ZNF350: variants seen among roughly 807,000 people sequenced by gnomAD.
The protein encoded by ZNF350 is KRAB zinc finger protein ZFQR.
ZNF350 carries 5 observed loss-of-function variants against 13.1 expected under a neutral mutation model. The ratio of observed to expected loss-of-function variants is 0.38; its 90% confidence interval spans 0.20 to 0.80. The LOEUF is 0.80. Among genes scored for constraint, ZNF350 ranks in the 30% least tolerant of loss-of-function variants. The pLI is 0.43. For missense variants in ZNF350, 534 were observed against 644.2 expected (o/e 0.83, Z 1.85); for synonymous variants, 199 against 224.2 (o/e 0.89, Z 1.00).
chr19:51,985,446 T>TA (rs1401785421), intron 1 of ZNF350, among the ~76,000 whole-genome samples: 1 of 152,124 alleles, frequency 6.6e-6, no homozygotes, highest in African/African-American at 2.4e-5. Context: ...ATTACATATT[T>TA]AAAAAAGAAA....
chr19:51,969,047 G>A lies in ZNF350; in HGVS notation c.100C>T (p.Arg34Trp), dbSNP rs138898320. ...LLGAAQKDLY[R>W]DVMLENYSNL... ...CTGTAGTTCTCCAACATCACATCCC[G>A]GTACAGGTCCTTCTGAGCAGCGCCC... The change falls in exon 3 of 5, where the codon CGG (arginine) becomes TGG (tryptophan). Residue 34 changes from arginine (R) to tryptophan (W), a missense_variant. Coordinates refer to ENST00000243644, the MANE Select transcript of ZNF350 (RefSeq NM_021632.4). The A allele has an allele frequency of 4.1e-4, 668 of 1,614,058 alleles. 6 individuals are homozygous for A. The East Asian group carries it at 9.5e-3, about 23-fold the overall frequency.
Position 51,968,634 on chromosome 19 carries a change from T to A in ZNF350, c.182A>T (p.Glu61Val), listed in dbSNP as rs564138238. 6.2e-7 allele frequency: 1 copy of A among 1,614,006 alleles called. No homozygotes were observed. The highest frequency in any genetic ancestry group is 1.7e-5 in the Admixed American group (1 of 59,998). The change falls in exon 4 of 5, where the codon GAA (glutamate) becomes GTA (valine). Residue 61 changes from glutamate to valine, a missense_variant. By Grantham distance (121) the Glu-to-Val change is moderately radical. Transcript: ENST00000243644. ...ASKPDALFKL[E>V]QGEQLWTIED... ...AATTGTCCACAGTTGTTCTCCTTGT[T>A]CCAACTTGAAGAGTGCATCCGGTTT...
In ZNF350 at chr19:51,966,933, C is replaced by T. The variant is rs149817429; in HGVS notation, c.239-719G>A. Among the ~76,000 whole-genome samples, 1,380 of 152,180 alleles carry T rather than the reference C, an allele frequency of 9.1e-3. 17 individuals are homozygous for T. Among genetic ancestry groups the T allele is most frequent in the Non-Finnish European group, 0.016 (1,086 of 68,002 alleles). Reference sequence around the variant, plus strand: ...AAGTTCTGGGATTACAGGTGTGAGCCGCTGCACCCGGCCCCAAAGTATTCT... The same window carrying T: ...AAGTTCTGGGATTACAGGTGTGAGCTGCTGCACCCGGCCCCAAAGTATTCT... On this transcript the variant is annotated intron_variant, in intron 4 of 4. Coordinates refer to ENST00000243644, the MANE Select transcript of ZNF350 (RefSeq NM_021632.4).
In ZNF350 at chr19:51,966,076, T is replaced by A. The variant is rs1483007723; in HGVS notation, c.377A>T (p.His126Leu). The change falls in exon 5 of 5, where the codon CAT becomes CTT. Residue 126 changes from histidine to leucine, a missense_variant. Transcript: ENST00000243644. ...SKSQFLLGQN[H>L]DIFDLRGKSL... is the part of the protein sequence containing the mutation. ...TTTTCCACGTAAGTCAAATATATCATGATTTTGCCCTAACAGAAACTGACT... is the reference window on the plus strand; with the variant it reads ...TTTTCCACGTAAGTCAAATATATCAAGATTTTGCCCTAACAGAAACTGACT... 3 of 1,614,100 alleles carry A rather than the reference T, an allele frequency of 1.9e-6. No individual in the cohort carries two copies. Among genetic ancestry groups the A allele is most frequent in the Non-Finnish European group, 2.5e-6 (3 of 1,180,028 alleles).
Position 51,974,368 on chromosome 19 carries a change from T to G in ZNF350, c.-8A>C, listed in dbSNP as rs1353339670. On this transcript the variant is annotated 5_prime_UTR_variant, in exon 2 of 5. Coordinates refer to ENST00000243644, the MANE Select transcript of ZNF350 (RefSeq NM_021632.4). ...TACCTGGGCCTGGATCATTTTCTTC[T>G]GTTCTTGGAAGACAGCATTCAACTG... 6.2e-7 allele frequency: 1 copy of G among 1,613,790 alleles called. No individual in the cohort carries two copies. Among genetic ancestry groups the G allele is most frequent in the Non-Finnish European group, 8.5e-7 (1 of 1,179,872 alleles).
chr19:51,971,195 G>A (rs894819937), intron 2 of ZNF350, among the ~76,000 whole-genome samples: 2 of 152,178 alleles, frequency 1.3e-5, no homozygotes, highest in African/African-American at 4.8e-5. Context: ...TTATTACAGA[G>A]GCCAGTGAAC....
intron 4 of ZNF350, among the ~76,000 whole-genome samples, chr19:51,966,982 G>A (rs1287801484): frequency 1.3e-5 from 2 of 152,006 alleles, no homozygotes; most frequent in Non-Finnish European, 2.9e-5. Context: ...TTGATGTGAG[G>A]TGTCTCTTAG....
chr19:51,983,036 C>A (rs776105668), intron 1 of ZNF350, among the ~76,000 whole-genome samples: 1 of 152,200 alleles, frequency 6.6e-6, no homozygotes, highest in African/African-American at 2.4e-5. Flanking sequence ...CCATTTTAAT[C>A]TGTACAAAGA....
At chr19:51,968,432 C>A in intron 4 of ZNF350, 146 bp downstream of exon 4, 1 of 693,978 alleles carries the variant, frequency 1.4e-6, no homozygotes, top group Non-Finnish European at 2.5e-6. Flanking sequence ...CTCTAAATTC[C>A]TACAAAGAAA....
At position 51,966,087 on chromosome 19, in the gene ZNF350, T is replaced by C; in HGVS notation, c.366A>G (p.Leu122=). The change falls in exon 5 of 5, where the codon TTA becomes TTG. Residue 122 remains leucine (L), a synonymous_variant. Transcript: ENST00000243644. ...AGTCAAATATATCATGATTTTGCCC[T>C]AACAGAAACTGACTTTTGCTGCAAT... The part of the protein sequence containing the change: ...IVHCSKSQFL[L]GQNHDIFDLR... 1 of 1,614,084 alleles carries C rather than the reference T, an allele frequency of 6.2e-7. No individual in the cohort carries two copies. Among genetic ancestry groups the C allele is most frequent in the African/African-American group, 1.3e-5 (1 of 75,052 alleles).
At chr19:51,981,049 G>A (rs2086021965) in intron 1 of ZNF350, 2 of 152,234 alleles carry the variant, frequency 1.3e-5, no homozygotes, top group African/African-American at 2.4e-5. Context: ...TGTGGGACGT[G>A]ACCAACTCAG....
chr19:51,968,768 T>C lies in ZNF350; in HGVS notation c.143-95A>G. 4 of 1,464,004 alleles carry C rather than the reference T, an allele frequency of 2.7e-6. 1 individual carries two copies. Among genetic ancestry groups the C allele is most frequent in the Non-Finnish European group, 3.8e-6 (4 of 1,065,240 alleles). The allele number at this position is 1,464,004 out of a possible 1,614,324, so 90.7% of individuals were successfully genotyped here. On this transcript the variant is annotated intron_variant, in intron 3 of 4. Transcript: ENST00000243644. ...TTACATTTCAAGAAACTTGAGTTTC[T>C]TAAAATACCCAAAATTTAGTTTCTT...
chr19:51,965,626 C>A lies in ZNF350; in HGVS notation c.827G>T (p.Arg276Leu), dbSNP rs143609000. ...ATGTGTTTTCTGATGTATGTTGAGC[C>A]GTGATTTCTTGAGAAAGGCTTTGCC... is the stretch of plus-strand genomic sequence containing the variant. Reference protein sequence around the residue: ...ECGKAFLKKSRLNIHQKTHTG... With the variant: ...ECGKAFLKKSLLNIHQKTHTG... Residue 276 changes from arginine to leucine, a missense_variant, in exon 5 of 5, where the codon CGG becomes CTG. By Grantham distance (102) the Arg-to-Leu change is moderately radical (BLOSUM62 -2). Coordinates refer to ENST00000243644, the MANE Select transcript of ZNF350 (RefSeq NM_021632.4). 6.2e-7 allele frequency: 1 copy of A among 1,614,074 alleles called. No homozygotes were observed. Among genetic ancestry groups the A allele is most frequent in the Non-Finnish European group, 8.5e-7 (1 of 1,180,016 alleles).
chr19:51,966,206 T>C lies in ZNF350; in HGVS notation c.247A>G (p.Lys83Glu), dbSNP rs188586408. 2.6e-6 allele frequency: 4 copies of C among 1,565,124 alleles called. No homozygotes were observed. The highest frequency in any genetic ancestry group is 2.3e-5 in the East Asian group (1 of 44,306). Residue 83 changes from lysine to glutamate, a missense_variant, in exon 5 of 5, where the codon AAA (lysine) becomes GAA (glutamate). By Grantham distance (56) the Lys-to-Glu change is moderately conservative. Transcript: ENST00000243644. ...IHSGACSDIW[K>E]VDHVLERLQS... is the part of the protein sequence containing the mutation. ...AAGCGCTCCAGCACATGATCAACTT[T>C]CCATATGTCTAGAAAGAAAAGAACA...
Position 51,964,699 on chromosome 19 carries a change from CAA to C in ZNF350, c.*153_*154del. On this transcript the variant is annotated 3_prime_UTR_variant, in exon 5 of 5. Transcript: ENST00000243644. The stretch of plus-strand genomic sequence containing the variant: ...GCTGTGTATGTGCTTAGGTTAACAT[CAA>C]ATTTGCCTGTGTATCACAGCATACA... 1.2e-6 allele frequency: 1 copy of C among 828,236 alleles called. No homozygotes were observed. The highest frequency in any genetic ancestry group is 1.8e-6 in the Non-Finnish European group (1 of 548,284). The allele number at this position is 828,236 out of a possible 1,614,324, so 51.3% of individuals were successfully genotyped here.
intron 1 of ZNF350, among the ~76,000 whole-genome samples, chr19:51,983,003 G>A (rs536715899): frequency 1.5e-4 from 23 of 152,188 alleles, no homozygotes; most frequent in Non-Finnish European, 2.1e-4. Context: ...TGTCTATATA[G>A]AAAGAGGAAG....
rs762022451 is a variant in ZNF350 at position 51,965,958 on chromosome 19, A to T, written c.495T>A (p.Leu165=). 1.9e-6 allele frequency: 3 copies of T among 1,614,096 alleles called. No homozygotes were observed. The highest frequency in any genetic ancestry group is 2.5e-6 in the Non-Finnish European group (3 of 1,180,034). Residue 165 remains leucine, a synonymous_variant, in exon 5 of 5, where the codon CTT becomes CTA. Coordinates refer to ENST00000243644, the MANE Select transcript of ZNF350 (RefSeq NM_021632.4). ...VEFTGNGDSF[L]HANHERLHTA... is the part of the protein sequence containing the mutation. ...TATGAAGTCGTTCATGGTTAGCATGAAGAAAGGAGTCCCCATTTCCAGTAA... is the reference window on the plus strand; with the variant it reads ...TATGAAGTCGTTCATGGTTAGCATGTAGAAAGGAGTCCCCATTTCCAGTAA...
At position 51,965,347 on chromosome 19, in the gene ZNF350, G is replaced by A; in HGVS notation, c.1106C>T (p.Thr369Ile). 6.2e-7 allele frequency: 1 copy of A among 1,613,988 alleles called. No homozygotes were observed. The highest frequency in any genetic ancestry group is 8.5e-7 in the Non-Finnish European group (1 of 1,179,962). ...SGLIKHQRIH[T>I]GEKPFECSEC... Reference sequence around the variant, plus strand: ...ACTACATTCAAAGGGTTTCTCTCCTGTGTGAATTCTTTGATGTTTAATGAG... The same window carrying A: ...ACTACATTCAAAGGGTTTCTCTCCTATGTGAATTCTTTGATGTTTAATGAG... Residue 369 changes from threonine (T) to isoleucine (I), a missense_variant, in exon 5 of 5, where the codon ACA (threonine) becomes ATA (isoleucine). By Grantham distance (89) the Thr-to-Ile change is moderately conservative. Coordinates refer to ENST00000243644, the MANE Select transcript of ZNF350 (RefSeq NM_021632.4).
Position 51,969,272 on chromosome 19 carries a change from A to G in ZNF350, c.16-141T>C, listed in dbSNP as rs1455844374. 3.3e-6 allele frequency: 3 copies of G among 912,182 alleles called. No homozygotes were observed. The East Asian group carries it at 8.6e-5, about 26-fold the overall frequency. 56.5% of individuals were successfully genotyped at this position (912,182 alleles called of 1,614,324 possible). A position where few individuals can be genotyped will look rare whatever the true frequency, so the allele number is the denominator to read the frequency against. The stretch of plus-strand genomic sequence containing the variant: ...TTTTTTAATACAATGTGGAAGAAGT[A>G]AAGTCCTAATATAATATTCTGTAAC... On this transcript the variant is annotated intron_variant, in intron 2 of 4. Coordinates refer to ENST00000243644, the MANE Select transcript of ZNF350 (RefSeq NM_021632.4).
Sources: gnomAD v4.1 joint callset for allele counts (sites outside exome capture counted in the v4.1 genomes callset) on GRCh38, gnomAD v4.1.1 for gene constraint, MANE v1.5 for transcripts, NCBI Gene and HGNC (gene_info 2026-07-23, HGNC 2026-07-21) for gene names.